The following TRPM1 variants were observed in gnomAD, a reference collection of about 807,000 sequenced individuals.
TRPM1 encodes transient receptor potential cation channel subfamily M member 1.
TRPM1 carries 113 observed loss-of-function variants against 149.4 expected under a neutral mutation model. That is an observed-to-expected ratio of 0.76 (90% CI 0.65 to 0.88). TRPM1 has a LOEUF of 0.88. TRPM1 is among the 40% of genes least tolerant of loss of function. TRPM1 has a pLI of 0.00. For missense variants in TRPM1, 1,976 were observed against 2,038.7 expected (o/e 0.97, Z 0.59); for synonymous variants, 741 against 759.5 (o/e 0.98, Z 0.40).
At chr15:31,044,464 T>C (rs2033709620) in intron 16 of TRPM1, among the ~76,000 whole-genome samples, 1 of 152,118 alleles carries the variant, frequency 6.6e-6, no homozygotes, top group South Asian at 2.1e-4. Context: ...ATAGGAGATA[T>C]AAATTTTGTT....
Position 31,047,311 on chromosome 15 carries a change from A to G in TRPM1, c.1624-60T>C. The G allele has an allele frequency of 3.1e-6, 5 of 1,605,352 alleles. No individual in the cohort carries two copies. In the Middle Eastern group the frequency reaches 8.9e-4, roughly 286 times the overall value. On this transcript the variant is annotated intron_variant, in intron 14 of 27. Coordinates refer to ENST00000256552, the MANE Select transcript of TRPM1 (RefSeq NM_001252024.2). ...ATGCGTTCGCAGTGTGGACTTCATC[A>G]CACGTCTAGGGGGTAAGTGGCTGTC...
rs2031824428 is a variant in TRPM1, at chr15:31,002,614, G to A, written c.4086C>T (p.His1362=). 1.2e-6 allele frequency: 2 copies of A among 1,614,128 alleles called. No homozygotes were observed. The highest frequency in any genetic ancestry group is 1.1e-5 in the South Asian group (1 of 91,078). The change falls in exon 28 of 28, where the codon CAC becomes CAT. Residue 1362 remains histidine, a synonymous_variant. Coordinates refer to ENST00000256552, the MANE Select transcript of TRPM1 (RefSeq NM_001252024.2). ...CGTTCTTTAAGTCATCTACTGCAAG[G>A]TGACTGCCATCTGGGGTTGCTGATG... ...TSTSATPDGS[H]LAVDDLKNAE... is the part of the protein sequence containing the mutation.
At chr15:31,060,125 A>G (rs1358018163) in intron 11 of TRPM1, 4 of 318,114 alleles carry the variant, frequency 1.3e-5, no homozygotes, top group South Asian at 1.0e-4. Flanking sequence ...ACATACAGAC[A>G]CACACATAGA....
Position 31,067,110 on chromosome 15 carries a change from C to A in TRPM1, c.571G>T (p.Ala191Ser). 1.2e-6 allele frequency: 2 copies of A among 1,614,174 alleles called. No individual in the cohort carries two copies. The highest frequency in any genetic ancestry group is 1.7e-6 in the Non-Finnish European group (2 of 1,180,018). Residue 191 changes from alanine (A) to serine (S), a missense_variant, in exon 6 of 28, where the codon GCT becomes TCT. Ala to Ser is a moderately conservative substitution (Grantham distance 99). This residue lies in a region of TRPM1 where 1,332 missense variants were observed against 1,347.1 expected (regional missense o/e 0.99). Coordinates refer to ENST00000256552, the MANE Select transcript of TRPM1 (RefSeq NM_001252024.2). ...TTATTCTCCACGATGCCCCATGGAG[C>A]AATTCCTATAGCACAAACCCGGCCT... is the stretch of plus-strand genomic sequence containing the variant. ...SRGRVCAIGI[A>S]PWGIVENKED...
chr15:31,061,539 A>T, intron 9 of TRPM1, 25 bp from the exon 10 acceptor site: 1 of 1,610,518 alleles, frequency 6.2e-7, no homozygotes, highest in Non-Finnish European at 8.5e-7. Flanking sequence ...AGACTGAATT[A>T]AAGCCAAGTT....
chr15:31,081,314 G>T, intron 2 of TRPM1, 39 bp downstream of exon 2: 2 of 1,100,670 alleles, frequency 1.8e-6, no homozygotes, highest in Non-Finnish European at 2.6e-6. Context: ...CTCAGGGGGG[G>T]AGGGGGGGAA....
chr15:31,132,403 A>G (rs1364883240), intron 1 of TRPM1, among the ~76,000 whole-genome samples: 1 of 152,182 alleles, frequency 6.6e-6, no homozygotes, highest in Non-Finnish European at 1.5e-5. Flanking sequence ...TATTTCTTTC[A>G]GTTACTACCC....
At chr15:31,102,028 A>G (rs2035527348), upstream of TRPM1, among the ~76,000 whole-genome samples, 1 of 152,194 alleles carries the variant, frequency 6.6e-6, no homozygotes, top group Non-Finnish European at 1.5e-5. Context: ...TGCATAATTG[A>G]GACAATTGGA....
chr15:31,050,537 T>G lies in TRPM1; in HGVS notation c.1309A>C (p.Lys437Gln). The change falls in exon 12 of 28, where the codon AAG becomes CAG. Residue 437 changes from lysine (K) to glutamine (Q), a missense_variant. This residue lies in a region of TRPM1 where 1,332 missense variants were observed against 1,347.1 expected (regional missense o/e 0.99). Coordinates refer to ENST00000256552, the MANE Select transcript of TRPM1 (RefSeq NM_001252024.2). ...GTGGCCATGGGTGGCTTCTTCTCCTTCTCCGTGGCTTTGCTGTCCGTCGGG... is the reference window on the plus strand; with the variant it reads ...GTGGCCATGGGTGGCTTCTTCTCCTGCTCCGTGGCTTTGCTGTCCGTCGGG... ...APPTDSKATE[K>Q]EKKPPMATTK... The G allele has an allele frequency of 6.2e-7, 1 of 1,614,090 alleles. No individual in the cohort carries two copies. Among genetic ancestry groups the G allele is most frequent in the Non-Finnish European group, 8.5e-7 (1 of 1,180,004 alleles).
At chr15:31,155,739 G>A (rs1456628202) in intron 1 of TRPM1, among the ~76,000 whole-genome samples, 2 of 152,034 alleles carry the variant, frequency 1.3e-5, no homozygotes, top group Non-Finnish European at 2.9e-5. Flanking sequence ...ACATTACTGA[G>A]GACTAAACTC....
At chr15:31,056,191 CA>C (rs2034081914) in intron 11 of TRPM1, among the ~76,000 whole-genome samples, 1 of 152,086 alleles carries the variant, frequency 6.6e-6, no homozygotes, top group Non-Finnish European at 1.5e-5. Context: ...AGGGGACCAG[CA>C]GTTGCTTGAC....
chr15:31,077,482 C>T (rs957573439), intron 2 of TRPM1, among the ~76,000 whole-genome samples: 2 of 152,208 alleles, frequency 1.3e-5, no homozygotes, highest in African/African-American at 4.8e-5. Flanking sequence ...AGGCTGGGCA[C>T]TGGGAAGTGA....
chr15:31,035,371 C>A (rs904039725), intron 21 of TRPM1, among the ~76,000 whole-genome samples, 175 bp downstream of exon 21: 2 of 152,166 alleles, frequency 1.3e-5, no homozygotes, highest in Non-Finnish European at 2.9e-5. Context: ...GTTTCAAATT[C>A]CTGACCTCAA....
chr15:31,104,694 C>T (rs925102542), upstream of TRPM1, among the ~76,000 whole-genome samples: 4 of 150,056 alleles, frequency 2.7e-5, no homozygotes, highest in African/African-American at 9.8e-5. Flanking sequence ...CCCAGGTTCA[C>T]ACCATTCTCC....
At chr15:31,112,833 G>T (rs1381901348) in intron 1 of TRPM1, among the ~76,000 whole-genome samples, 1 of 152,174 alleles carries the variant, frequency 6.6e-6, no homozygotes, top group Non-Finnish European at 1.5e-5. Flanking sequence ...ATTCTGAGAA[G>T]TCCTGCCACA....
At chr15:31,070,492 T>C (rs1201773200) in intron 3 of TRPM1, 3 of 683,356 alleles carry the variant, frequency 4.4e-6, no homozygotes, top group Non-Finnish European at 8.0e-6. Context: ...GATGTCTTGA[T>C]AACATCAGTA....
upstream of TRPM1, among the ~76,000 whole-genome samples, chr15:31,104,726 T>C (rs1246664445): frequency 6.6e-6 from 1 of 151,514 alleles, no homozygotes; most frequent in Non-Finnish European, 1.5e-5. Context: ...CCCGAGTAGC[T>C]GGGACTACAG....
chr15:31,033,185 C>T (rs539747468), intron 21 of TRPM1, among the ~76,000 whole-genome samples: 2 of 152,284 alleles, frequency 1.3e-5, no homozygotes, highest in South Asian at 4.2e-4. Flanking sequence ...TTATGTCCTT[C>T]TGGCTGTAAT....
At chr15:31,126,789 C>T (rs1325614448) in intron 1 of TRPM1, among the ~76,000 whole-genome samples, 2 of 152,078 alleles carry the variant, frequency 1.3e-5, no homozygotes, top group Non-Finnish European at 1.5e-5. Context: ...CATGGTGAAA[C>T]CCCGTCTCTA....
Sources: gnomAD v4.1 joint callset for allele counts (sites outside exome capture counted in the v4.1 genomes callset) on GRCh38, gnomAD v4.1.1 for gene constraint, gnomAD v4.1.1 regional missense constraint, MANE v1.5 for transcripts, NCBI Gene and HGNC (gene_info 2026-07-23, HGNC 2026-07-21) for gene names.